Variants in BICD1 observed in about 807,000 individuals in gnomAD.
BICD1 encodes the protein protein bicaudal D homolog 1.
Under a neutral mutation model 92.5 loss-of-function variants are expected in BICD1, and 35 were observed. That is an observed-to-expected ratio of 0.38 (90% CI 0.29 to 0.50). BICD1 has a LOEUF of 0.50. Ranked by LOEUF, BICD1 falls within the 20% of genes least tolerant of loss-of-function variation. BICD1 has a pLI of 0.93. For missense variants in BICD1, 950 were observed against 1,189.8 expected (o/e 0.80, Z 2.97); for synonymous variants, 429 against 465.1 (o/e 0.92, Z 1.00).
At chr12:32,187,330 A>G (rs535682560) in intron 1 of BICD1, among the ~76,000 whole-genome samples, 89 of 152,344 alleles carry the variant, frequency 5.8e-4, no homozygotes, top group African/African-American at 2.1e-3. Flanking sequence ...ACCTGGGCAA[A>G]CAGCTTGACA....
chr12:32,237,628 AAT>A (rs1946110642), intron 2 of BICD1, among the ~76,000 whole-genome samples: 1 of 152,172 alleles, frequency 6.6e-6, no homozygotes, highest in South Asian at 2.1e-4. Flanking sequence ...GGCCCTTAAG[AAT>A]GATACTAAAT....
Position 32,216,258 on chromosome 12 carries a change from G to C in BICD1, c.225G>C (p.Gln75His). The change falls in exon 2 of 10, where the codon CAG becomes CAC. Residue 75 changes from glutamine to histidine, a missense_variant. Physicochemically the swap from Gln to His is conservative, Grantham distance 24. Coordinates refer to ENST00000652176, the MANE Select transcript of BICD1 (RefSeq NM_001714.4). ...ELEQLKEAFG[Q>H]SFSIHRKVAE... Reference sequence around the variant, plus strand: ...CATATACTCTGCAGGCATTTGGGCAGTCCTTCTCCATCCACCGGAAGGTTG... The same window carrying C: ...CATATACTCTGCAGGCATTTGGGCACTCCTTCTCCATCCACCGGAAGGTTG... 6.2e-7 allele frequency: 1 copy of C among 1,613,626 alleles called. No homozygotes were observed. The highest frequency in any genetic ancestry group is 1.1e-5 in the South Asian group (1 of 91,048).
At chr12:32,254,041 A>C (rs1467994758) in intron 2 of BICD1, among the ~76,000 whole-genome samples, 1 of 56,922 alleles carries the variant, frequency 1.8e-5, no homozygotes, top group African/African-American at 5.6e-5. Flanking sequence ...CCCATATCCC[A>C]CCTGCCGTAT....
intron 4 of BICD1, among the ~76,000 whole-genome samples, chr12:32,307,529 T>C (rs116368151): frequency 0.011 from 1,657 of 152,324 alleles, 29 homozygotes; most frequent in African/African-American, 0.038. Flanking sequence ...ATAACAAGCT[T>C]GTTAAGTGAT....
At chr12:32,363,739 C>T (rs950316460) in intron 8 of BICD1, among the ~76,000 whole-genome samples, 7 of 152,120 alleles carry the variant, frequency 4.6e-5, no homozygotes, top group Non-Finnish European at 1.0e-4. Context: ...GGTCCTGTAA[C>T]ACCCTACACT....
At chr12:32,109,968 A>G (rs1011429704) in intron 1 of BICD1, among the ~76,000 whole-genome samples, 4 of 152,222 alleles carry the variant, frequency 2.6e-5, no homozygotes, top group Admixed American at 6.5e-5. Context: ...ATGTTGCATT[A>G]TATCTATAAA....
chr12:32,348,757 T>A (rs1450967937), intron 8 of BICD1, among the ~76,000 whole-genome samples: 675 of 25,300 alleles, frequency 0.027, 20 homozygotes, highest in African/African-American at 0.2. Context: ...TATATATATA[T>A]ATATATATAT....
chr12:32,367,765 C>T lies in BICD1; in HGVS notation c.2840+20C>T. ...TGTCAGGTAAATTCAGATGTCCTTT[C>T]CCTTCCACCCAGCTGCATGTCAGAT... On this transcript the variant is annotated intron_variant, in intron 9 of 9. Coordinates refer to ENST00000652176, the MANE Select transcript of BICD1 (RefSeq NM_001714.4). The T allele has an allele frequency of 6.2e-7, 1 of 1,602,978 alleles. No individual in the cohort carries two copies. The highest frequency in any genetic ancestry group is 8.5e-7 in the Non-Finnish European group (1 of 1,170,002).
At chr12:32,365,017 C>T (rs986275169) in intron 8 of BICD1, among the ~76,000 whole-genome samples, 2 of 152,252 alleles carry the variant, frequency 1.3e-5, no homozygotes, top group South Asian at 4.1e-4. Context: ...GGGTGGATCA[C>T]CCGAAGTCAG....
intron 4 of BICD1, among the ~76,000 whole-genome samples, chr12:32,310,724 G>A (rs1948348971): frequency 6.6e-6 from 1 of 152,152 alleles, no homozygotes; most frequent in African/African-American, 2.4e-5. Context: ...TATAGGCTCA[G>A]TTACATCACC....
intron 3 of BICD1, among the ~76,000 whole-genome samples, chr12:32,302,077 G>C (rs145115955): frequency 6.6e-6 from 1 of 151,910 alleles, no homozygotes; most frequent in African/African-American, 2.4e-5. Flanking sequence ...TAGTAGAGAC[G>C]GGGTTTCACT....
At chr12:32,306,473 T>A (rs1490296385) in intron 4 of BICD1, among the ~76,000 whole-genome samples, 1 of 151,966 alleles carries the variant, frequency 6.6e-6, no homozygotes, top group Non-Finnish European at 1.5e-5. Context: ...CTCGATCTCC[T>A]GACTTCGTGA....
intron 9 of BICD1, among the ~76,000 whole-genome samples, chr12:32,376,447 T>G (rs1198512230): frequency 6.6e-6 from 1 of 152,026 alleles, no homozygotes; most frequent in Non-Finnish European, 1.5e-5. Flanking sequence ...CCTAGGAAAC[T>G]CAATGATTTT....
intron 2 of BICD1, 57 bp downstream of exon 2, chr12:32,216,516 C>T (rs1565593981): frequency 6.5e-7 from 1 of 1,550,036 alleles, no homozygotes; most frequent in South Asian, 1.2e-5. Context: ...AGAAAGTTCT[C>T]TCCATAGCAG....
intron 2 of BICD1, among the ~76,000 whole-genome samples, chr12:32,247,422 T>C (rs1390637207): frequency 6.6e-6 from 1 of 151,994 alleles, no homozygotes; most frequent in Non-Finnish European, 1.5e-5. Flanking sequence ...AGAATACATC[T>C]GAAGATCCAG....
intron 2 of BICD1, among the ~76,000 whole-genome samples, chr12:32,257,490 A>AT (rs1167996460): frequency 6.6e-6 from 1 of 152,184 alleles, no homozygotes; most frequent in Non-Finnish European, 1.5e-5. Flanking sequence ...ATAATATCAA[A>AT]TGTTGGTCAA....
chr12:32,283,557 G>C (rs985525064), intron 2 of BICD1, among the ~76,000 whole-genome samples: 7 of 152,210 alleles, frequency 4.6e-5, no homozygotes, highest in Non-Finnish European at 7.3e-5. Context: ...AAGTCAGTAA[G>C]TATGCGATGA....
chr12:32,362,469 G>A (rs1176510104), intron 8 of BICD1, among the ~76,000 whole-genome samples: 1 of 152,208 alleles, frequency 6.6e-6, no homozygotes, highest in Non-Finnish European at 1.5e-5. Context: ...CTCTGCCAAT[G>A]AAATGTATTA....
At chr12:32,251,055 C>G (rs541820804) in intron 2 of BICD1, among the ~76,000 whole-genome samples, 6 of 152,068 alleles carry the variant, frequency 3.9e-5, no homozygotes, top group Admixed American at 2.6e-4. Context: ...TGAGTTAGAA[C>G]CTATATAAAA....
Sources: allele counts gnomAD v4.1 joint callset (sites outside exome capture counted in the v4.1 genomes callset), GRCh38; gene constraint gnomAD v4.1.1; transcripts MANE v1.5; gene names NCBI Gene and HGNC (gene_info 2026-07-23, HGNC 2026-07-21).